ATL1: variants seen among roughly 807,000 people sequenced by gnomAD.
The protein encoded by ATL1 is atlastin-1.
ATL1 carries 31 observed loss-of-function variants against 75.5 expected under a neutral mutation model. The observed-to-expected ratio is 0.41, with a 90% CI of 0.31 to 0.55. The LOEUF is 0.55. Ranked by LOEUF, ATL1 falls within the 20% of genes least tolerant of loss-of-function variation. ATL1 has a pLI of 0.27. For synonymous variants in ATL1, 226 were observed against 233.3 expected (o/e 0.97, Z 0.28); for missense variants, 405 against 662.6 (o/e 0.61, Z 4.27).
Position 50,623,255 on chromosome 14 carries a change from G to GTTAA in ATL1, c.1119+8_1119+11dup. 1 of 1,610,214 alleles carries GTTAA rather than the reference G, an allele frequency of 6.2e-7. No individual in the cohort carries two copies. Among genetic ancestry groups the GTTAA allele is most frequent in the South Asian group, 1.1e-5 (1 of 90,818 alleles). On this transcript the variant is annotated splice_region_variant and intron_variant, in intron 11 of 13. Coordinates refer to ENST00000358385, the MANE Select transcript of ATL1 (RefSeq NM_015915.5). ...CAACAAAAAAATGGAAGAGGTAAGA[G>GTTAA]TTAAATATTTTAAATTCTGTCTTAA... is the stretch of plus-strand genomic sequence containing the variant.
intron 1 of ATL1, among the ~76,000 whole-genome samples, chr14:50,582,795 A>G (rs1270660279): frequency 6.6e-6 from 1 of 152,156 alleles, no homozygotes. Context: ...AAGAAAGGAA[A>G]GTCATAGGCA....
chr14:50,596,331 A>G (rs1271498519), intron 6 of ATL1, among the ~76,000 whole-genome samples: 1 of 152,154 alleles, frequency 6.6e-6, no homozygotes, highest in Non-Finnish European at 1.5e-5. Context: ...CTAAATTTGT[A>G]TGACATATAG....
chr14:50,631,881 T>G (rs2039584837), intron 13 of ATL1, among the ~76,000 whole-genome samples: 1 of 152,086 alleles, frequency 6.6e-6, no homozygotes. Flanking sequence ...CAATCAGAAG[T>G]TATGAGGTCT....
intron 4 of ATL1, among the ~76,000 whole-genome samples, chr14:50,592,720 G>A (rs942024385): frequency 2.0e-5 from 3 of 151,470 alleles, no homozygotes; most frequent in Admixed American, 2.0e-4. Context: ...GACCATCCTG[G>A]CTAACACGGT....
At chr14:50,579,005 A>G (rs1371008766) in intron 1 of ATL1, among the ~76,000 whole-genome samples, 1 of 152,190 alleles carries the variant, frequency 6.6e-6, no homozygotes, top group African/African-American at 2.4e-5. Flanking sequence ...TATGTGAAAA[A>G]GTTATCAATA....
At position 50,620,720 on chromosome 14, in the gene ATL1, C is replaced by T. The variant is rs1451012884; in HGVS notation, c.984C>T (p.Tyr328=). Residue 328 remains tyrosine (Y), a synonymous_variant, in exon 9 of 14, where the codon TAC becomes TAT. Transcript: ENST00000358385. ...TCACCTGCCGGGGTCTGGTGGAGTACTTCAAGGTATCACTCTCATTTCTAG... is the reference window on the plus strand; with the variant it reads ...TCACCTGCCGGGGTCTGGTGGAGTATTTCAAGGTATCACTCTCATTTCTAG... ...NKITCRGLVE[Y]FKAYIKIYQG... The T allele has an allele frequency of 1.9e-6, 3 of 1,613,206 alleles. No homozygotes were observed. The highest frequency in any genetic ancestry group is 1.3e-5 in the African/African-American group (1 of 74,876).
intron 1 of ATL1, among the ~76,000 whole-genome samples, chr14:50,577,165 C>T (rs1045984204): frequency 2.0e-5 from 3 of 152,074 alleles, no homozygotes; most frequent in African/African-American, 7.2e-5. Flanking sequence ...CGGGTTCAAG[C>T]GATTCTCCTG....
intron 8 of ATL1, among the ~76,000 whole-genome samples, chr14:50,619,056 A>G (rs2039441900): frequency 6.7e-6 from 1 of 148,294 alleles, no homozygotes; most frequent in African/African-American, 2.5e-5. Flanking sequence ...ATGTACAGCT[A>G]ATTTTTTTTA....
intron 1 of ATL1, among the ~76,000 whole-genome samples, chr14:50,577,679 G>A (rs1004065638): frequency 6.6e-6 from 1 of 152,148 alleles, no homozygotes; most frequent in East Asian, 1.9e-4. Flanking sequence ...CTACTCCCCA[G>A]CTCTGGGTAA....
rs1278851145 is a variant in ATL1, at chr14:50,613,330, A to T, written c.702A>T (p.Lys234Asn). Residue 234 changes from lysine (K) to asparagine (N), a missense_variant, in exon 7 of 14, where the codon AAA becomes AAT. Physicochemically the swap from Lys to Asn is moderately conservative, Grantham distance 94. Coordinates refer to ENST00000358385, the MANE Select transcript of ATL1 (RefSeq NM_015915.5). ...CATATGGAGCCGATGGTGGTGCCAA[A>T]TTCTTGGAAAAACGCCTCAAGGTTT... is the stretch of plus-strand genomic sequence containing the variant. The part of the protein sequence containing the change: ...EFSYGADGGA[K>N]FLEKRLKVSG... 3 of 1,613,176 alleles carry T rather than the reference A, an allele frequency of 1.9e-6. No homozygotes were observed. In the East Asian group the frequency reaches 6.7e-5, roughly 36 times the overall value.
At chr14:50,546,106 T>C (rs968158849) in intron 1 of ATL1, among the ~76,000 whole-genome samples, 2 of 152,180 alleles carry the variant, frequency 1.3e-5, no homozygotes, top group African/African-American at 2.4e-5. Context: ...AACTAAAATG[T>C]AAATGTTAGA....
chr14:50,592,946 ATG>A (rs35964654), intron 4 of ATL1, among the ~76,000 whole-genome samples: 23 of 132,526 alleles, frequency 1.7e-4, no homozygotes, highest in Admixed American at 3.0e-4. Context: ...ATATATATAT[ATG>A]TGTGTGTGTG....
intron 1 of ATL1, among the ~76,000 whole-genome samples, chr14:50,540,731 A>T (rs528271247): frequency 4.6e-5 from 7 of 152,352 alleles, no homozygotes; most frequent in Admixed American, 2.0e-4. Flanking sequence ...ATGTGAGTAT[A>T]GATATATTGA....
At chr14:50,619,182 A>G (rs1193921782) in intron 8 of ATL1, among the ~76,000 whole-genome samples, 1 of 152,134 alleles carries the variant, frequency 6.6e-6, no homozygotes, top group Non-Finnish European at 1.5e-5. Flanking sequence ...CCTCCAGAGT[A>G]GCTGGGACTA....
At chr14:50,559,973 GT>G, upstream of ATL1, 1 of 487,058 alleles carries the variant, frequency 2.1e-6, no homozygotes, top group Non-Finnish European at 3.7e-6. Context: ...CGTTGAAAAT[GT>G]TGCGGTACGT....
chr14:50,614,301 A>G lies in ATL1; in HGVS notation c.724-72A>G, dbSNP rs182278371. On this transcript the variant is annotated intron_variant, in intron 7 of 13. Coordinates refer to ENST00000358385, the MANE Select transcript of ATL1 (RefSeq NM_015915.5). ...GTGGGACCAAACAGACATAGCAAAT[A>G]TAAGATGCCACAGAATTCCTTTGCA... The G allele has an allele frequency of 2.5e-4, 376 of 1,524,544 alleles. 1 individual carries two copies. The African/African-American group carries it at 4.6e-3, about 19-fold the overall frequency. 94.4% of individuals were successfully genotyped at this position (1,524,544 alleles called of 1,614,324 possible). A position where few individuals can be genotyped will look rare whatever the true frequency, so the allele number is the denominator to read the frequency against.
At chr14:50,627,106 G>A (rs1051620157) in intron 11 of ATL1, among the ~76,000 whole-genome samples, 1 of 152,214 alleles carries the variant, frequency 6.6e-6, no homozygotes. Flanking sequence ...CATATTTTAA[G>A]AAATTGCCAC....
chr14:50,559,643 G>A (rs1453308501), upstream of ATL1: 1 of 152,004 alleles, frequency 6.6e-6, no homozygotes, highest in African/African-American at 2.4e-5. Flanking sequence ...TGATCTTCTT[G>A]ATATAAATTT....
intron 8 of ATL1, among the ~76,000 whole-genome samples, chr14:50,618,083 T>C (rs1289135884): frequency 6.6e-6 from 1 of 152,202 alleles, no homozygotes. Context: ...TCCATTCCAA[T>C]TGTATAAGGA....
Sources: gnomAD v4.1 joint callset for allele counts (sites outside exome capture counted in the v4.1 genomes callset) on GRCh38, gnomAD v4.1.1 for gene constraint, MANE v1.5 for transcripts, NCBI Gene and HGNC (gene_info 2026-07-23, HGNC 2026-07-21) for gene names.